MFAP3L: variants seen among roughly 807,000 people sequenced by gnomAD.
MFAP3L encodes microfibril associated protein 3 like, also known as microfibrillar-associated protein 3-like.
MFAP3L carries 5 observed loss-of-function variants against 20.0 expected under a neutral mutation model. The ratio of observed to expected loss-of-function variants is 0.25; its 90% confidence interval spans 0.13 to 0.53. The LOEUF (loss-of-function observed/expected upper bound fraction) is 0.53, where lower values mean the gene tolerates loss of function less well. Ranked by LOEUF, MFAP3L falls within the 20% of genes least tolerant of loss-of-function variation. The pLI, the probability that MFAP3L is intolerant of heterozygous loss-of-function variation, is 0.96. For missense variants in MFAP3L, 409 were observed against 527.5 expected, an observed-to-expected ratio of 0.78 and a Z score of 2.20; for synonymous variants, 219 against 213.0, an observed-to-expected ratio of 1.03 and a Z score of -0.25.
rs148626017 is a variant in MFAP3L, at chr4:169,991,510, G to T, written c.1098C>A (p.Thr366=). ...TAEPSTDVTS[T]ELTSEEPTPV... ...GTGTTGGCTCTTCAGATGTTAGCTC[G>T]GTGGACGTGACATCGGTAGAAGGTT... The change falls in exon 3 of 3, where the codon ACC becomes ACA. Residue 366 remains threonine (T), a synonymous_variant. Coordinates refer to ENST00000361618, the MANE Select transcript of MFAP3L (RefSeq NM_021647.8). The surrounding 1 kb of genome is among the most constrained non-coding windows in gnomAD (Gnocchi z 4.9). 6.2e-6 allele frequency: 10 copies of T among 1,614,142 alleles called. No homozygotes were observed. The highest frequency in any genetic ancestry group is 7.6e-6 in the Non-Finnish European group (9 of 1,180,026).
In MFAP3L at chr4:170,013,304, C is replaced by A. The variant is rs1365335956; in HGVS notation, c.-133-7294G>T. On this transcript the variant is annotated intron_variant, in intron 1 of 2. Coordinates refer to ENST00000361618, the MANE Select transcript of MFAP3L (RefSeq NM_021647.8). ...AACATAAATGTTGGTTAAGCCTGAT[C>A]ATCAGAAGGGAGATACTCAAGGGAC... 2.0e-5 allele frequency among the ~76,000 whole-genome samples: 3 copies of A among 152,034 alleles called. No individual in the cohort carries two copies. The East Asian group carries it at 5.8e-4, about 29-fold the overall frequency.
chr4:169,999,652 T>C (rs1173759202), intron 2 of MFAP3L, among the ~76,000 whole-genome samples: 1 of 152,220 alleles, frequency 6.6e-6, no homozygotes, highest in Non-Finnish European at 1.5e-5. Flanking sequence ...AAGGGTCTTT[T>C]CACTGCTAAG....
At chr4:169,995,611 G>C (rs1364840533) in intron 2 of MFAP3L, among the ~76,000 whole-genome samples, 1 of 152,078 alleles carries the variant, frequency 6.6e-6, no homozygotes, top group Non-Finnish European at 1.5e-5. Context: ...CATTCGCATC[G>C]GTCTATAAAT....
intron 1 of MFAP3L, among the ~76,000 whole-genome samples, chr4:170,020,195 C>T (rs754359947): frequency 2.6e-5 from 4 of 152,290 alleles, no homozygotes; most frequent in Admixed American, 6.5e-5. Flanking sequence ...GATGCTCAGA[C>T]CCCACTATCC....
rs1407294896 is a variant in MFAP3L at position 169,989,823 on chromosome 4, C to T, written c.*1555G>A. ...AAAATTAAATAAAACCACTCATTCT[C>T]ACCAATATTAAATCTTAATTGCAGA... On this transcript the variant is annotated 3_prime_UTR_variant, in exon 3 of 3. Transcript: ENST00000361618. 4 of 152,206 alleles carry T rather than the reference C, an allele frequency of 2.6e-5. No homozygotes were observed. The allele number at this position is 152,206 out of a possible 1,614,324, so 9.4% of individuals were successfully genotyped here.
intron 1 of MFAP3L, among the ~76,000 whole-genome samples, chr4:170,023,746 G>A (rs1337707755): frequency 6.6e-6 from 1 of 152,188 alleles, no homozygotes; most frequent in African/African-American, 2.4e-5. Flanking sequence ...AATCTGGCTA[G>A]GCTGTGTTGA....
intron 2 of MFAP3L, among the ~76,000 whole-genome samples, chr4:169,995,645 G>C (rs1168149333): frequency 6.6e-6 from 1 of 152,162 alleles, no homozygotes; most frequent in Non-Finnish European, 1.5e-5. Flanking sequence ...TCTCATTCTA[G>C]AAGGGTCCCG....
intron 2 of MFAP3L, among the ~76,000 whole-genome samples, chr4:169,995,992 A>G (rs1323426014): frequency 6.6e-6 from 1 of 151,554 alleles, no homozygotes; most frequent in Non-Finnish European, 1.5e-5. Flanking sequence ...TCCCTTGAGC[A>G]GACTGTAGCC....
In MFAP3L at chr4:170,005,744, G is replaced by A. The variant is rs1738988684; in HGVS notation, c.134C>T (p.Ser45Phe). Reference sequence around the variant, plus strand: ...AGTTCTGGCAATGATTACGGGCACAGAGCCCAAGACCACGTTAGTGCCATT... The same window carrying A: ...AGTTCTGGCAATGATTACGGGCACAAAGCCCAAGACCACGTTAGTGCCATT... ...TLNGTNVVLG[S>F]VPVIIARTDH... The change falls in exon 2 of 3, where the codon TCT becomes TTT. Residue 45 changes from serine (S) to phenylalanine (F), a missense_variant. Physicochemically the swap from Ser to Phe is radical, Grantham distance 155 (BLOSUM62 -2). Transcript: ENST00000361618. 4 of 1,614,222 alleles carry A rather than the reference G, an allele frequency of 2.5e-6. No homozygotes were observed. The highest frequency in any genetic ancestry group is 3.4e-6 in the Non-Finnish European group (4 of 1,180,038).
chr4:170,009,459 A>G (rs1291510807), intron 1 of MFAP3L, among the ~76,000 whole-genome samples: 1 of 152,152 alleles, frequency 6.6e-6, no homozygotes, highest in Non-Finnish European at 1.5e-5. Context: ...AAAGAGTAAA[A>G]TAACAATCTA....
upstream of MFAP3L, chr4:170,026,525 G>A (rs1431675390): frequency 6.6e-6 from 1 of 152,620 alleles, no homozygotes; most frequent in Non-Finnish European, 1.5e-5. Context: ...CGCGGGCGGG[G>A]GCAGCGGGGC....
At chr4:170,000,890 C>CT (rs964564913) in intron 2 of MFAP3L, among the ~76,000 whole-genome samples, 31 of 148,180 alleles carry the variant, frequency 2.1e-4, no homozygotes, top group African/African-American at 3.7e-4. Flanking sequence ...GCCCTGCTAA[C>CT]TTTTTTTTTT....
At chr4:170,016,810 T>A (rs761075642) in intron 1 of MFAP3L, among the ~76,000 whole-genome samples, 1 of 152,242 alleles carries the variant, frequency 6.6e-6, no homozygotes, top group Non-Finnish European at 1.5e-5. Flanking sequence ...ACCACAGAAC[T>A]AAGTATAACC....
intron 1 of MFAP3L, among the ~76,000 whole-genome samples, chr4:170,024,864 C>G (rs1740253826): frequency 6.6e-6 from 1 of 152,180 alleles, no homozygotes; most frequent in Non-Finnish European, 1.5e-5. Flanking sequence ...TTAAAGCCTA[C>G]CCACAACTCA....
intron 2 of MFAP3L, chr4:170,001,992 T>G: frequency 1.0e-6 from 1 of 985,450 alleles, no homozygotes; most frequent in Non-Finnish European, 1.2e-6. Context: ...GACATGAAAT[T>G]GCTCCTTTCC....
At chr4:169,993,310 G>T (rs1262962391) in intron 2 of MFAP3L, among the ~76,000 whole-genome samples, 2 of 152,152 alleles carry the variant, frequency 1.3e-5, no homozygotes, top group African/African-American at 4.8e-5. Flanking sequence ...TCCCAGTTAG[G>T]CTTTTGGGGA....
chr4:170,011,983 C>T (rs1025522107), intron 1 of MFAP3L, among the ~76,000 whole-genome samples: 2 of 152,064 alleles, frequency 1.3e-5, no homozygotes, highest in African/African-American at 4.8e-5. Context: ...GTGGTGTGTG[C>T]AAGAACAGAG....
chr4:170,013,741 AAG>A (rs1193651408), intron 1 of MFAP3L, among the ~76,000 whole-genome samples: 1 of 152,216 alleles, frequency 6.6e-6, no homozygotes, highest in Non-Finnish European at 1.5e-5. Flanking sequence ...TATCATTTAG[AAG>A]AGTTTATTGA....
rs938431021 is a variant in MFAP3L at position 169,989,442 on chromosome 4, G to A, written c.*1936C>T. 7 of 152,184 alleles carry A rather than the reference G, an allele frequency of 4.6e-5. No homozygotes were observed. Among genetic ancestry groups the A allele is most frequent in the African/African-American group, 1.2e-4 (5 of 41,428 alleles). The allele number at this position is 152,184 out of a possible 1,614,324, so 9.4% of individuals were successfully genotyped here. A position where few individuals can be genotyped will look rare whatever the true frequency, so the allele number is the denominator to read the frequency against. On this transcript the variant is annotated 3_prime_UTR_variant, in exon 3 of 3. Coordinates refer to ENST00000361618, the MANE Select transcript of MFAP3L (RefSeq NM_021647.8). ...ATAATGTTTGTTGTAAAGTTTGGATGGCAAAAGTATCCAATTTCATGGACC... is the reference window on the plus strand; with the variant it reads ...ATAATGTTTGTTGTAAAGTTTGGATAGCAAAAGTATCCAATTTCATGGACC...
Sources: allele counts gnomAD v4.1 joint callset (sites outside exome capture counted in the v4.1 genomes callset), GRCh38; gene constraint gnomAD v4.1.1; non-coding constraint Gnocchi (gnomAD v3.1); transcripts MANE v1.5; gene names NCBI Gene and HGNC (gene_info 2026-07-23, HGNC 2026-07-21).